The following VEPH1 variants were observed in gnomAD, a reference collection of about 807,000 sequenced individuals.
The protein encoded by VEPH1 is ventricular zone expressed PH domain containing 1.
In VEPH1, 80 loss-of-function variants were observed where a neutral mutation model predicts 85.2. The observed-to-expected ratio is 0.94, with a 90% CI of 0.78 to 1.13. The LOEUF (loss-of-function observed/expected upper bound fraction) is 1.13, where lower values mean the gene tolerates loss of function less well. Ranked by LOEUF, VEPH1 falls within the 50% of genes most tolerant of loss-of-function variation. The pLI is 0.00. For missense variants in VEPH1, 955 were observed against 980.5 expected, an observed-to-expected ratio of 0.97 and a Z score of 0.35; for synonymous variants, 297 against 348.0, an observed-to-expected ratio of 0.85 and a Z score of 1.63.
chr3:157,429,278 A>G (rs551097915), intron 4 of VEPH1, among the ~76,000 whole-genome samples: 31 of 152,196 alleles, frequency 2.0e-4, no homozygotes, highest in Non-Finnish European at 3.7e-4. Context: ...TTTTTGAACA[A>G]GAATTTTTTT....
intron 6 of VEPH1, among the ~76,000 whole-genome samples, chr3:157,411,044 C>T (rs1018829231): frequency 6.6e-6 from 1 of 152,158 alleles, no homozygotes. Flanking sequence ...GGATTGTAAA[C>T]AAAAGGTTGT....
intron 12 of VEPH1, among the ~76,000 whole-genome samples, chr3:157,282,015 G>C (rs539392148): frequency 6.6e-6 from 1 of 152,020 alleles, no homozygotes; most frequent in African/African-American, 2.4e-5. Flanking sequence ...AATCTAGCTC[G>C]CATGAAGGGT....
rs1735660728 is a variant in VEPH1, at chr3:157,459,714, C to T, written c.529+467G>A. 1.3e-5 allele frequency: 18 copies of T among 1,409,446 alleles called. 1 individual carries two copies. The South Asian group carries it at 2.8e-4, about 22-fold the overall frequency. 87.3% of individuals were successfully genotyped at this position (1,409,446 alleles called of 1,614,324 possible). A position where few individuals can be genotyped will look rare whatever the true frequency, so the allele number is the denominator to read the frequency against. On this transcript the variant is annotated intron_variant, in intron 4 of 13. Coordinates refer to ENST00000362010, the MANE Select transcript of VEPH1 (RefSeq NM_001167912.2). The stretch of plus-strand genomic sequence containing the variant: ...TTGGCTTTTTATGCTAGTATTTATG[C>T]TTGTTATCCAAATCATGTTCACATT...
In VEPH1 at chr3:157,265,619, T is replaced by C. The variant is rs200732657; in HGVS notation, c.2172A>G (p.Lys724=). Reference sequence around the variant, plus strand: ...TGAACTTCCATCTGACTTGCTTCTCTTTAAGTTTTCCTTCTATGAGAGGCT... The same window carrying C: ...TGAACTTCCATCTGACTTGCTTCTCCTTAAGTTTTCCTTCTATGAGAGGCT... ...DGQPLIEGKL[K]EKQVRWKFIK... is the part of the protein sequence containing the mutation. The change falls in exon 13 of 14, where the codon AAA becomes AAG. Residue 724 remains lysine (K), a synonymous_variant. Coordinates refer to ENST00000362010, the MANE Select transcript of VEPH1 (RefSeq NM_001167912.2). The C allele has an allele frequency of 1.4e-5, 22 of 1,613,648 alleles. No homozygotes were observed. The highest frequency in any genetic ancestry group is 1.9e-5 in the Non-Finnish European group (22 of 1,179,782).
intron 3 of VEPH1, among the ~76,000 whole-genome samples, chr3:157,469,214 G>C (rs1386785182): frequency 6.6e-6 from 1 of 152,176 alleles, no homozygotes; most frequent in Admixed American, 6.5e-5. Flanking sequence ...CCCTGGGGAT[G>C]AAAGAGATAC....
chr3:157,412,600 G>A (rs773366964), intron 6 of VEPH1, among the ~76,000 whole-genome samples: 34 of 152,166 alleles, frequency 2.2e-4, no homozygotes, highest in Admixed American at 4.6e-4. Context: ...TCTCTTGGCA[G>A]AAAAGGTGAC....
chr3:157,313,808 T>C (rs1391310071), intron 10 of VEPH1, 53 bp from the exon 11 acceptor site: 1 of 1,593,896 alleles, frequency 6.3e-7, no homozygotes, highest in South Asian at 1.1e-5. Flanking sequence ...GTCCCAATAG[T>C]ATTGTTTGAT....
intron 3 of VEPH1, among the ~76,000 whole-genome samples, chr3:157,460,681 T>G (rs1735783459): frequency 6.6e-6 from 1 of 152,108 alleles, no homozygotes; most frequent in South Asian, 2.1e-4. Context: ...AATGTCTTAG[T>G]TGGGACCTCA....
At chr3:157,360,163 G>T (rs1725887462) in intron 9 of VEPH1, among the ~76,000 whole-genome samples, 1 of 152,158 alleles carries the variant, frequency 6.6e-6, no homozygotes, top group South Asian at 2.1e-4. Context: ...AATTGTGTCA[G>T]CCAGATGACT....
At chr3:157,404,215 G>A (rs1730986005) in intron 6 of VEPH1, among the ~76,000 whole-genome samples, 1 of 152,138 alleles carries the variant, frequency 6.6e-6, no homozygotes. Flanking sequence ...TGAGCCACCT[G>A]CTATGAGCTA....
At position 157,278,717 on chromosome 3, in the gene VEPH1, A is replaced by C. The variant is rs1357295894; in HGVS notation, c.2128+7840T>G. ...ATGGACAGATTTGAGAGCAATTGAG[A>C]AAGTAAAATCCTCAATCTTGTGGTG... On this transcript the variant is annotated intron_variant, in intron 12 of 13. Coordinates refer to ENST00000362010, the MANE Select transcript of VEPH1 (RefSeq NM_001167912.2). 9.2e-5 allele frequency among the ~76,000 whole-genome samples: 14 copies of C among 152,294 alleles called. No homozygotes were observed. In the East Asian group the frequency reaches 2.7e-3, roughly 29 times the overall value.
At position 157,260,902 on chromosome 3, in the gene VEPH1, T is replaced by G; in HGVS notation, c.*232A>C. The G allele has an allele frequency of 1.9e-6, 1 of 534,396 alleles. No individual in the cohort carries two copies. The allele number at this position is 534,396 out of a possible 1,614,324, so 33.1% of individuals were successfully genotyped here. A position where few individuals can be genotyped will look rare whatever the true frequency, so the allele number is the denominator to read the frequency against. ...GGCATACTCTGTAGCTCCTTTTATT[T>G]TATTTTATTTTTGTGGGCATCAGAT... On this transcript the variant is annotated 3_prime_UTR_variant, in exon 14 of 14. Transcript: ENST00000362010.
At chr3:157,352,370 G>A (rs193113779) in intron 9 of VEPH1, among the ~76,000 whole-genome samples, 17 of 152,212 alleles carry the variant, frequency 1.1e-4, no homozygotes, top group Admixed American at 9.2e-4. Context: ...GCTGCTTCAC[G>A]TATTGTTTGA....
chr3:157,369,192 A>AAAAAAACAAAAAAAAAAAAAC (rs1727171339), intron 7 of VEPH1, among the ~76,000 whole-genome samples: 1 of 142,702 alleles, frequency 7.0e-6, no homozygotes, highest in South Asian at 2.4e-4. Flanking sequence ...AAAAAAAAAA[A>AAAAAAACAAAAAAAAAAAAAC]AAAAAAAAAA....
At chr3:157,266,592 G>C (rs1338665374) in intron 12 of VEPH1, among the ~76,000 whole-genome samples, 1 of 152,172 alleles carries the variant, frequency 6.6e-6, no homozygotes, top group Non-Finnish European at 1.5e-5. Context: ...ATCTAACATG[G>C]TGCCTGGCAA....
intron 7 of VEPH1, among the ~76,000 whole-genome samples, chr3:157,380,489 A>C: frequency 6.6e-6 from 1 of 152,218 alleles, no homozygotes; most frequent in East Asian, 1.9e-4. Context: ...CTAGTCATAC[A>C]AAATGACTTC....
chr3:157,345,142 A>G (rs1011036311), intron 9 of VEPH1, among the ~76,000 whole-genome samples: 2 of 152,354 alleles, frequency 1.3e-5, no homozygotes, highest in East Asian at 1.9e-4. Flanking sequence ...CTAAAACACC[A>G]AAAGCAATGG....
chr3:157,374,113 A>G (rs945521657), intron 7 of VEPH1, among the ~76,000 whole-genome samples: 2 of 152,212 alleles, frequency 1.3e-5, no homozygotes, highest in African/African-American at 4.8e-5. Context: ...ATGGTACCAC[A>G]TGTCAGACTT....
chr3:157,326,402 A>G (rs1721911557), intron 9 of VEPH1, among the ~76,000 whole-genome samples: 1 of 152,176 alleles, frequency 6.6e-6, no homozygotes, highest in Non-Finnish European at 1.5e-5. Flanking sequence ...AAAAAGTAAA[A>G]TGGAATTAAT....
Sources: gnomAD v4.1 joint callset for allele counts (sites outside exome capture counted in the v4.1 genomes callset) on GRCh38, gnomAD v4.1.1 for gene constraint, MANE v1.5 for transcripts, NCBI Gene and HGNC (gene_info 2026-07-23, HGNC 2026-07-21) for gene names.